Variants in FRMPD1 observed in about 807,000 individuals in gnomAD.
FRMPD1 encodes the protein FERM and PDZ domain containing 1, also known as FERM and PDZ domain-containing protein 1.
A neutral mutation model predicts 117.8 loss-of-function variants in FRMPD1; 76 were observed. That is an observed-to-expected ratio of 0.65 (90% CI 0.54 to 0.78). FRMPD1 has a LOEUF of 0.78. Ranked by LOEUF, FRMPD1 falls within the 30% of genes least tolerant of loss-of-function variation. The pLI is 0.00. For synonymous variants in FRMPD1, 783 were observed against 770.4 expected, an observed-to-expected ratio of 1.02 and a Z score of -0.27; for missense variants, 1,786 against 1,964.5, an observed-to-expected ratio of 0.91 and a Z score of 1.72.
At chr9:37,612,596 G>A in the FRMPD1 span, among the ~76,000 whole-genome samples, 102 of 146,852 alleles carry the variant, frequency 6.9e-4, no homozygotes, top group African/African-American at 2.4e-3. Flanking sequence ...TCAGCTCACT[G>A]CAACTTCTGC....
chr9:37,684,072 G>A (rs1214496571), intron 1 of FRMPD1, among the ~76,000 whole-genome samples: 11 of 151,554 alleles, frequency 7.3e-5, no homozygotes, highest in African/African-American at 2.7e-4. Flanking sequence ...AAAAGGCTTT[G>A]GGGGGAACAA....
the FRMPD1 span, among the ~76,000 whole-genome samples, chr9:37,641,416 T>C: frequency 6.6e-6 from 1 of 152,246 alleles, no homozygotes; most frequent in Non-Finnish European, 1.5e-5. Context: ...TACTAGTTAA[T>C]TTAATTCTCA....
At chr9:37,707,804 G>T (rs10973502) in intron 3 of FRMPD1, among the ~76,000 whole-genome samples, 28,728 of 152,260 alleles carry the variant, frequency 0.19, 3,156 homozygotes, top group Non-Finnish European at 0.25. Flanking sequence ...GCCTTGGCTA[G>T]GGCGTTGCCC....
chr9:37,685,908 G>T (rs1821924240), intron 1 of FRMPD1, among the ~76,000 whole-genome samples: 1 of 152,180 alleles, frequency 6.6e-6, no homozygotes, highest in Non-Finnish European at 1.5e-5. Context: ...CTAGTTTCCT[G>T]AAGTCTTTTA....
At chr9:37,631,689 G>C in the FRMPD1 span, among the ~76,000 whole-genome samples, 4 of 152,010 alleles carry the variant, frequency 2.6e-5, no homozygotes, top group Non-Finnish European at 5.9e-5. Context: ...CTGCAGCCTC[G>C]ACCTCCTGGG....
At chr9:37,631,210 G>C in the FRMPD1 span, among the ~76,000 whole-genome samples, 1 of 152,058 alleles carries the variant, frequency 6.6e-6, no homozygotes, top group Non-Finnish European at 1.5e-5. Flanking sequence ...TTAAAAGCAA[G>C]AAAATTAAAA....
intron 7 of FRMPD1, among the ~76,000 whole-genome samples, chr9:37,728,808 C>T (rs1165888767): frequency 1.3e-5 from 2 of 151,762 alleles, no homozygotes; most frequent in African/African-American, 4.8e-5. Flanking sequence ...ACTAAAAATA[C>T]AAAAATTAGC....
the FRMPD1 span, among the ~76,000 whole-genome samples, chr9:37,618,882 G>A: frequency 2.0e-5 from 3 of 152,260 alleles, no homozygotes; most frequent in Non-Finnish European, 4.4e-5. Flanking sequence ...CCTTTAGTGG[G>A]AGGAGGCAAA....
intron 14 of FRMPD1, among the ~76,000 whole-genome samples, 156 bp downstream of exon 14, chr9:37,737,399 A>T (rs1393360034): frequency 6.6e-6 from 1 of 152,192 alleles, no homozygotes; most frequent in African/African-American, 2.4e-5. Context: ...TAAACAATTG[A>T]TCTTTCATAA....
chr9:37,643,449 A>G, the FRMPD1 span, among the ~76,000 whole-genome samples: 1 of 152,274 alleles, frequency 6.6e-6, no homozygotes, highest in African/African-American at 2.4e-5. Context: ...AGATCATTAA[A>G]TCAGTTTTCA....
chr9:37,657,578 CTCTT>C, intron 1 of FRMPD1, among the ~76,000 whole-genome samples: 1 of 152,280 alleles, frequency 6.6e-6, no homozygotes, highest in Admixed American at 6.5e-5. Flanking sequence ...CATACTTGGC[CTCTT>C]TCTTTCTCCC....
At chr9:37,705,014 A>T (rs1319608270) in intron 2 of FRMPD1, among the ~76,000 whole-genome samples, 1 of 152,136 alleles carries the variant, frequency 6.6e-6, no homozygotes, top group African/African-American at 2.4e-5. Context: ...GGCATTTTCT[A>T]GATATTTAGC....
Position 37,746,335 on chromosome 9 carries a change from A to G in FRMPD1, c.4303A>G (p.Ile1435Val), listed in dbSNP as rs762492496. ...LMESLLELQDILETSWGVGNK... is the reference protein window; with the variant it reads ...LMESLLELQDVLETSWGVGNK... ...GGAGAGCTTGCTGGAGCTACAAGAC[A>G]TTTTAGAAACTTCCTGGGGGGTTGG... is the stretch of plus-strand genomic sequence containing the variant. Residue 1435 changes from isoleucine (I) to valine (V), a missense_variant, in exon 16 of 16, where the codon ATT becomes GTT. Transcript: ENST00000377765. The G allele has an allele frequency of 6.2e-7, 1 of 1,612,706 alleles. No individual in the cohort carries two copies. Among genetic ancestry groups the G allele is most frequent in the African/African-American group, 1.3e-5 (1 of 75,032 alleles).
intron 6 of FRMPD1, among the ~76,000 whole-genome samples, chr9:37,719,941 C>G (rs1299285516): frequency 6.6e-6 from 1 of 152,064 alleles, no homozygotes; most frequent in Non-Finnish European, 1.5e-5. Context: ...TAACTATTGC[C>G]ATTCTGAATT....
Position 37,692,627 on chromosome 9 carries a change from C to G in FRMPD1, c.-4-11C>G. ...TGGTTAGCATCTTAAGAACACTCTT[C>G]TTCCTTTTAGGTAAATGGAAGAGCT... On this transcript the variant is annotated splice_polypyrimidine_tract_variant and intron_variant, in intron 1 of 15. Transcript: ENST00000377765. 6.4e-7 allele frequency: 1 copy of G among 1,559,066 alleles called. No homozygotes were observed. Among genetic ancestry groups the G allele is most frequent in the Non-Finnish European group, 8.9e-7 (1 of 1,129,692 alleles).
At position 37,744,496 on chromosome 9, in the gene FRMPD1, C is replaced by A. The variant is rs1451812733; in HGVS notation, c.2464C>A (p.Pro822Thr). The change falls in exon 16 of 16, where the codon CCA (proline) becomes ACA (threonine). Residue 822 changes from proline to threonine, a missense_variant. Pro to Thr is a conservative substitution (Grantham distance 38, BLOSUM62 -1). Coordinates refer to ENST00000377765, the MANE Select transcript of FRMPD1 (RefSeq NM_014907.3). ...GCCTTGTGGGCCAGATGGAAGACAG[C>A]CAAGCAGGAGGGGAGGGGTGAAGAA... The part of the protein sequence containing the change: ...SLPCGPDGRQ[P>T]SRRGGVKKYA... 1.9e-6 allele frequency: 3 copies of A among 1,614,028 alleles called. No individual in the cohort carries two copies. The East Asian group carries it at 6.7e-5, about 36-fold the overall frequency.
intron 14 of FRMPD1, among the ~76,000 whole-genome samples, chr9:37,739,071 G>T (rs950637890): frequency 6.6e-6 from 1 of 152,152 alleles, no homozygotes; most frequent in Non-Finnish European, 1.5e-5. Flanking sequence ...CTACAGAGGA[G>T]ACCTCAGCGC....
In FRMPD1 at chr9:37,729,764, C is replaced by T. The variant is rs781584069; in HGVS notation, c.649C>T (p.Arg217Ter). 17 of 1,613,830 alleles carry T rather than the reference C, an allele frequency of 1.1e-5. No individual in the cohort carries two copies. Among genetic ancestry groups the T allele is most frequent in the Middle Eastern group, 1.6e-4 (1 of 6,084 alleles). Residue 217 changes from arginine (R) to a stop codon, truncating the protein, a stop_gained, in exon 8 of 16, where the codon CGA (arginine) becomes TGA (stop). Coordinates refer to ENST00000377765, the MANE Select transcript of FRMPD1 (RefSeq NM_014907.3). LOFTEE classifies it high-confidence loss of function. The part of the protein sequence containing the change: ...ILTVKEKLSI[R>*]SIEYFALALE... ...CACCGTGAAGGAGAAGCTGTCCATC[C>T]GAAGTATCGAGTACTTTGCACTGGC...
chr9:37,637,462 G>A, the FRMPD1 span, among the ~76,000 whole-genome samples: 1 of 151,874 alleles, frequency 6.6e-6, no homozygotes, highest in East Asian at 1.9e-4. Flanking sequence ...AAACATACAC[G>A]GTTGTGCAAC....
Sources: gnomAD v4.1 joint callset for allele counts (sites outside exome capture counted in the v4.1 genomes callset) on GRCh38, gnomAD v4.1.1 for gene constraint, MANE v1.5 for transcripts, NCBI Gene and HGNC (gene_info 2026-07-23, HGNC 2026-07-21) for gene names.